NOS1AP: variants seen among roughly 807,000 people sequenced by gnomAD.
NOS1AP encodes the protein carboxyl-terminal PDZ ligand of neuronal nitric oxide synthase protein.
Under a neutral mutation model 56.2 loss-of-function variants are expected in NOS1AP, and 21 were observed. The ratio of observed to expected loss-of-function variants is 0.37; its 90% CI spans 0.26 to 0.54. NOS1AP has a LOEUF of 0.54. Ranked by LOEUF, NOS1AP falls within the 20% of genes least tolerant of loss-of-function variation. NOS1AP has a pLI of 0.84. For synonymous variants in NOS1AP, 270 were observed against 274.6 expected, an observed-to-expected ratio of 0.98 and a Z score of 0.17; for missense variants, 522 against 657.8, an observed-to-expected ratio of 0.79 and a Z score of 2.26.
At chr1:162,204,124 A>G (rs928481611) in intron 2 of NOS1AP, among the ~76,000 whole-genome samples, 7 of 152,194 alleles carry the variant, frequency 4.6e-5, no homozygotes, top group African/African-American at 1.4e-4. Flanking sequence ...TAGTTCATCC[A>G]TGCTCTGGGG....
At chr1:162,359,916 C>G (rs955860678) in intron 8 of NOS1AP, among the ~76,000 whole-genome samples, 1 of 152,120 alleles carries the variant, frequency 6.6e-6, no homozygotes, top group Non-Finnish European at 1.5e-5. Flanking sequence ...TCCAAATCCT[C>G]CTATGTTGTT....
chr1:162,182,798 G>A (rs1651305464), intron 2 of NOS1AP, among the ~76,000 whole-genome samples: 1 of 152,130 alleles, frequency 6.6e-6, no homozygotes, highest in South Asian at 2.1e-4. Flanking sequence ...CACATCTTCA[G>A]GCTCCACTTC....
intron 1 of NOS1AP, among the ~76,000 whole-genome samples, chr1:162,143,462 T>C (rs1279487758): frequency 1.3e-5 from 2 of 152,110 alleles, no homozygotes; most frequent in African/African-American, 4.8e-5. Context: ...TTTTATAATA[T>C]TTTCTAAACT....
chr1:162,242,839 A>G (rs1653531711), intron 2 of NOS1AP, among the ~76,000 whole-genome samples: 1 of 152,160 alleles, frequency 6.6e-6, no homozygotes, highest in African/African-American at 2.4e-5. Context: ...TAAAACCTTC[A>G]GCTATCTCCT....
chr1:162,130,806 A>T (rs1648716443), intron 1 of NOS1AP, among the ~76,000 whole-genome samples: 1 of 152,232 alleles, frequency 6.6e-6, no homozygotes. Flanking sequence ...ATTGTTGATC[A>T]TCAGAATCAT....
At chr1:162,167,737 C>T (rs1046360880) in intron 2 of NOS1AP, among the ~76,000 whole-genome samples, 3 of 152,230 alleles carry the variant, frequency 2.0e-5, no homozygotes, top group African/African-American at 7.2e-5. Context: ...ATCATCCCAT[C>T]CTCTGCTGCT....
chr1:162,242,104 T>C (rs1384389399), intron 2 of NOS1AP, among the ~76,000 whole-genome samples: 1 of 152,236 alleles, frequency 6.6e-6, no homozygotes, highest in Non-Finnish European at 1.5e-5. Flanking sequence ...CATCTATTTA[T>C]TGAACATCTA....
intron 1 of NOS1AP, among the ~76,000 whole-genome samples, chr1:162,152,042 C>A (rs914326369): frequency 3.9e-5 from 6 of 152,302 alleles, no homozygotes; most frequent in Admixed American, 3.9e-4. Context: ...GCTGCCTCTT[C>A]TCTCCACCTG....
chr1:162,109,088 G>A (rs1443620209), intron 1 of NOS1AP, among the ~76,000 whole-genome samples: 1 of 152,314 alleles, frequency 6.6e-6, no homozygotes, highest in East Asian at 1.9e-4. Context: ...ACCATCAGAT[G>A]TTGTGAAACT....
At chr1:162,138,429 T>C (rs1649094793) in intron 1 of NOS1AP, among the ~76,000 whole-genome samples, 1 of 152,220 alleles carries the variant, frequency 6.6e-6, no homozygotes, top group Non-Finnish European at 1.5e-5. Context: ...AATACATACA[T>C]TGAAATTAAT....
intron 4 of NOS1AP, among the ~76,000 whole-genome samples, chr1:162,305,444 A>G (rs1029631038): frequency 2.0e-5 from 3 of 151,456 alleles, no homozygotes; most frequent in African/African-American, 7.3e-5. Context: ...ACAGGAAGTG[A>G]TTCGCTATTA....
At chr1:162,329,649 C>G (rs977392953) in intron 4 of NOS1AP, among the ~76,000 whole-genome samples, 1 of 152,110 alleles carries the variant, frequency 6.6e-6, no homozygotes, top group Non-Finnish European at 1.5e-5. Flanking sequence ...TTCTACCACC[C>G]CCACAATCAC....
At position 162,367,325 on chromosome 1, in the gene NOS1AP, C is replaced by T; in HGVS notation, c.1379C>T (p.Ser460Leu). Residue 460 changes from serine to leucine, a missense_variant, in exon 10 of 10, where the codon TCA (serine) becomes TTA (leucine). By Grantham distance (145) the Ser-to-Leu change is moderately radical. Transcript: ENST00000361897. This position sits in a 1 kb window ranked among gnomAD's most constrained non-coding sequence, Gnocchi z 6.5. Reference sequence around the variant, plus strand: ...CTGGAGCTCATCAAGTTCCGAGAGTCAGGCATCGCCTCGGAGTACGAGTCC... The same window carrying T: ...CTGGAGCTCATCAAGTTCCGAGAGTTAGGCATCGCCTCGGAGTACGAGTCC... ...GGLELIKFRE[S>L]GIASEYESNT... 1 of 1,613,268 alleles carries T rather than the reference C, an allele frequency of 6.2e-7. No homozygotes were observed. Among genetic ancestry groups the T allele is most frequent in the Non-Finnish European group, 8.5e-7 (1 of 1,179,928 alleles).
At chr1:162,140,829 A>T (rs1175331748) in intron 1 of NOS1AP, among the ~76,000 whole-genome samples, 3 of 152,092 alleles carry the variant, frequency 2.0e-5, no homozygotes, top group Non-Finnish European at 4.4e-5. Context: ...ACTTTTTAAC[A>T]AAAGCCATTC....
intron 2 of NOS1AP, among the ~76,000 whole-genome samples, chr1:162,160,306 A>G (rs1191743288): frequency 6.6e-6 from 1 of 152,218 alleles, no homozygotes; most frequent in African/African-American, 2.4e-5. Flanking sequence ...ACCGGTGACC[A>G]GAAAATGGCC....
chr1:162,134,277 G>A (rs1293955006), intron 1 of NOS1AP, among the ~76,000 whole-genome samples: 2 of 152,046 alleles, frequency 1.3e-5, no homozygotes, highest in Non-Finnish European at 2.9e-5. Context: ...GATCACATGA[G>A]GCCAGGAGTT....
intron 4 of NOS1AP, among the ~76,000 whole-genome samples, chr1:162,321,993 C>A (rs1479601470): frequency 6.6e-6 from 1 of 152,032 alleles, no homozygotes; most frequent in Non-Finnish European, 1.5e-5. Context: ...CAAAAGAAGC[C>A]CAAACTCCAG....
chr1:162,095,123 A>G (rs4656350), intron 1 of NOS1AP, among the ~76,000 whole-genome samples: 94,743 of 151,998 alleles, frequency 0.62, 29,886 homozygotes, highest in Non-Finnish European at 0.67. Flanking sequence ...TTTCTTAGTG[A>G]GGATTGATCA....
At chr1:162,332,575 C>T (rs1168423125) in intron 4 of NOS1AP, among the ~76,000 whole-genome samples, 3 of 152,136 alleles carry the variant, frequency 2.0e-5, no homozygotes, top group African/African-American at 4.8e-5. Context: ...GTATCTTAGT[C>T]CCTCCCAATG....
Sources: gnomAD v4.1 joint callset for allele counts (sites outside exome capture counted in the v4.1 genomes callset) on GRCh38, gnomAD v4.1.1 for gene constraint, Gnocchi (gnomAD v3.1) non-coding constraint, MANE v1.5 for transcripts, NCBI Gene and HGNC (gene_info 2026-07-23, HGNC 2026-07-21) for gene names.